The following FRMD4A variants were observed in gnomAD, a reference collection of about 807,000 sequenced individuals.
FRMD4A encodes FERM domain-containing protein 4A.
In FRMD4A, 29 loss-of-function variants were observed where a neutral mutation model predicts 129.1. That is an observed-to-expected ratio of 0.22 (90% CI 0.17 to 0.31). The LOEUF is 0.31. Among genes scored for constraint, FRMD4A ranks in the 10% least tolerant of loss-of-function variants. FRMD4A has a pLI of 1.00. For missense variants in FRMD4A, 1,272 were observed against 1,375.8 expected (o/e 0.92, Z 1.19); for synonymous variants, 634 against 571.6 (o/e 1.11, Z -1.56).
At chr10:14,121,291 C>G (rs1838500345) in intron 2 of FRMD4A, among the ~76,000 whole-genome samples, 1 of 152,166 alleles carries the variant, frequency 6.6e-6, no homozygotes, top group African/African-American at 2.4e-5. Flanking sequence ...TTGCCTGAAC[C>G]TGGGAGGCGG....
At chr10:14,091,457 C>T (rs868039358) in intron 2 of FRMD4A, among the ~76,000 whole-genome samples, 21 of 152,052 alleles carry the variant, frequency 1.4e-4, no homozygotes, top group East Asian at 1.9e-4. Flanking sequence ...TGTTTTGAGA[C>T]GGAGTCCCAC....
chr10:14,038,738 C>G (rs1355085760), intron 2 of FRMD4A, among the ~76,000 whole-genome samples: 1 of 152,188 alleles, frequency 6.6e-6, no homozygotes, highest in Non-Finnish European at 1.5e-5. Flanking sequence ...ATCAACTACC[C>G]CAAGTAAGGC....
chr10:13,846,127 T>C (rs557049278), intron 3 of FRMD4A, among the ~76,000 whole-genome samples: 2 of 152,226 alleles, frequency 1.3e-5, no homozygotes, highest in Admixed American at 6.5e-5. Context: ...CAGAGTCTGG[T>C]ACAAAAATAA....
chr10:13,868,939 T>C (rs2094407370), intron 2 of FRMD4A, among the ~76,000 whole-genome samples: 1 of 152,204 alleles, frequency 6.6e-6, no homozygotes, highest in Admixed American at 6.5e-5. Flanking sequence ...ATTGATGTAA[T>C]AGAAAATGGA....
chr10:13,707,726 G>T, intron 12 of FRMD4A: 2 of 985,312 alleles, frequency 2.0e-6, no homozygotes, highest in Non-Finnish European at 2.4e-6. Flanking sequence ...CACAGTGTGA[G>T]CCTGTCAAGC....
At chr10:13,736,730 T>C (rs932022894) in intron 12 of FRMD4A, among the ~76,000 whole-genome samples, 1 of 152,238 alleles carries the variant, frequency 6.6e-6, no homozygotes, top group Non-Finnish European at 1.5e-5. Flanking sequence ...AATATTGCTT[T>C]CTCTCTGCTA....
At chr10:13,933,784 C>G (rs1008262986) in intron 2 of FRMD4A, among the ~76,000 whole-genome samples, 2 of 152,116 alleles carry the variant, frequency 1.3e-5, no homozygotes, top group African/African-American at 4.8e-5. Context: ...CCCTGGGACA[C>G]AGATAGAAAG....
intron 3 of FRMD4A, among the ~76,000 whole-genome samples, chr10:13,839,257 T>C (rs1028519744): frequency 6.6e-6 from 1 of 152,128 alleles, no homozygotes; most frequent in Non-Finnish European, 1.5e-5. Flanking sequence ...CCTCCCACCT[T>C]GGCCTCTCAA....
At chr10:14,098,137 T>G (rs893797176) in intron 2 of FRMD4A, among the ~76,000 whole-genome samples, 7 of 146,244 alleles carry the variant, frequency 4.8e-5, no homozygotes, top group Non-Finnish European at 9.0e-5. Flanking sequence ...AAAAATTATA[T>G]ATTATATATA....
intron 5 of FRMD4A, among the ~76,000 whole-genome samples, chr10:13,785,046 T>A (rs977713001): frequency 3.3e-5 from 5 of 150,772 alleles, no homozygotes; most frequent in African/African-American, 1.2e-4. Context: ...ATAATGCTAC[T>A]GTTGCATAAA....
At chr10:14,137,532 G>A (rs1839601555) in intron 2 of FRMD4A, among the ~76,000 whole-genome samples, 1 of 152,146 alleles carries the variant, frequency 6.6e-6, no homozygotes, top group African/African-American at 2.4e-5. Flanking sequence ...TCAACATCAA[G>A]TAATTGTTGG....
At chr10:13,679,524 G>A (rs901384998) in intron 15 of FRMD4A, among the ~76,000 whole-genome samples, 5 of 107,878 alleles carry the variant, frequency 4.6e-5, no homozygotes, top group South Asian at 3.7e-4. Context: ...GTTCACAAAC[G>A]ATGTTTCCTG....
At chr10:13,834,038 T>C (rs1483320835) in intron 3 of FRMD4A, among the ~76,000 whole-genome samples, 1 of 151,886 alleles carries the variant, frequency 6.6e-6, no homozygotes, top group Non-Finnish European at 1.5e-5. Context: ...GGGAGGTGGG[T>C]GGATCACCTG....
At chr10:13,752,782 AT>A (rs2091688701) in intron 8 of FRMD4A, among the ~76,000 whole-genome samples, 1 of 152,194 alleles carries the variant, frequency 6.6e-6, no homozygotes, top group African/African-American at 2.4e-5. Context: ...CATTATCACA[AT>A]TCCAAAATTC....
intron 2 of FRMD4A, among the ~76,000 whole-genome samples, chr10:14,156,502 C>T (rs947400873): frequency 5.3e-5 from 8 of 152,076 alleles, no homozygotes; most frequent in South Asian, 2.1e-4. Context: ...ATATAAATAA[C>T]GGTATCAGAT....
At chr10:14,097,117 G>A (rs1837008553) in intron 2 of FRMD4A, 1 of 112,534 alleles carries the variant, frequency 8.9e-6, no homozygotes, top group Non-Finnish European at 1.6e-5. Context: ...CCTCCAGCCT[G>A]CACGACACAG....
intron 8 of FRMD4A, among the ~76,000 whole-genome samples, chr10:13,749,538 G>C (rs1034402552): frequency 5.3e-5 from 8 of 152,102 alleles, no homozygotes; most frequent in Non-Finnish European, 1.2e-4. Context: ...ACAGCCAAGG[G>C]CAATGCAATG....
intron 2 of FRMD4A, chr10:14,326,829 C>T (rs879902181): frequency 4.5e-5 from 18 of 398,522 alleles, no homozygotes; most frequent in African/African-American, 2.1e-4. Context: ...AGCCTCCTCA[C>T]GGGTTGGTGA....
At chr10:13,958,288 T>A (rs965366423) in intron 2 of FRMD4A, among the ~76,000 whole-genome samples, 11 of 145,048 alleles carry the variant, frequency 7.6e-5, no homozygotes, top group Non-Finnish European at 1.3e-4. Context: ...ATTGTTTTTT[T>A]TTTTTTTTTT....
Sources: allele counts gnomAD v4.1 joint callset (sites outside exome capture counted in the v4.1 genomes callset), GRCh38; gene constraint gnomAD v4.1.1; transcripts MANE v1.5; gene names NCBI Gene and HGNC (gene_info 2026-07-23, HGNC 2026-07-21).